LAMC1: variants seen among roughly 807,000 people sequenced by gnomAD.
The protein encoded by LAMC1 is laminin subunit gamma-1.
In LAMC1, 38 loss-of-function variants were observed where a neutral mutation model predicts 173.6. That is an observed-to-expected ratio of 0.22 (90% CI 0.17 to 0.29). LAMC1 has a LOEUF of 0.29. LAMC1 is among the 10% of genes least tolerant of loss of function. LAMC1 has a pLI of 1.00. For missense variants in LAMC1, 1,824 were observed against 2,051.8 expected (o/e 0.89, Z 2.14); for synonymous variants, 746 against 749.1 (o/e 1.00, Z 0.07).
Position 183,142,948 on chromosome 1 carries a change from A to G in LAMC1, c.*158A>G, listed in dbSNP as rs888838705. The G allele has an allele frequency of 1.4e-6, 1 of 710,850 alleles. No homozygotes were observed. Among genetic ancestry groups the G allele is most frequent in the African/African-American group, 1.8e-5 (1 of 55,734 alleles). The allele number at this position is 710,850 out of a possible 1,614,324, so 44.0% of individuals were successfully genotyped here. Reference sequence around the variant, plus strand: ...AGGAAAAGTCACAGAGTTTAAAGAGAAGCAAATTAAACATCCTGAATCGGG... The same window carrying G: ...AGGAAAAGTCACAGAGTTTAAAGAGGAGCAAATTAAACATCCTGAATCGGG... On this transcript the variant is annotated 3_prime_UTR_variant, in exon 28 of 28. Transcript: ENST00000258341.
chr1:183,114,010 A>G (rs897798573), intron 4 of LAMC1, among the ~76,000 whole-genome samples: 18 of 152,098 alleles, frequency 1.2e-4, no homozygotes, highest in African/African-American at 4.1e-4. Flanking sequence ...ACATTTCTTT[A>G]TCATCTGGCT....
chr1:183,078,455 G>A (rs1332472417), intron 1 of LAMC1, among the ~76,000 whole-genome samples: 1 of 151,912 alleles, frequency 6.6e-6, no homozygotes, highest in Non-Finnish European at 1.5e-5. Flanking sequence ...GGTGGTGGGC[G>A]CCTGTAGTCC....
At chr1:183,031,464 C>G (rs1653848421) in intron 1 of LAMC1, among the ~76,000 whole-genome samples, 1 of 152,052 alleles carries the variant, frequency 6.6e-6, no homozygotes, top group African/African-American at 2.4e-5. Context: ...GCCACCACAC[C>G]CAGCTAATTT....
At chr1:183,043,448 A>C (rs1295051777) in intron 1 of LAMC1, among the ~76,000 whole-genome samples, 1 of 152,218 alleles carries the variant, frequency 6.6e-6, no homozygotes, top group African/African-American at 2.4e-5. Flanking sequence ...TTTTACAGAT[A>C]GTGATAAAAC....
intron 2 of LAMC1, among the ~76,000 whole-genome samples, 171 bp from the exon 3 acceptor site, chr1:183,108,105 G>C (rs1383207456): frequency 1.3e-5 from 2 of 152,138 alleles, no homozygotes; most frequent in Non-Finnish European, 2.9e-5. Context: ...AGTCAAGAAG[G>C]AGAAAAATAT....
rs1232543884 is a variant in LAMC1, at chr1:183,065,297, A to T, written c.419-38031A>T. Among the ~76,000 whole-genome samples, 3 of 152,182 alleles carry T rather than the reference A, an allele frequency of 2.0e-5. 1 individual carries two copies. Among genetic ancestry groups the T allele is most frequent in the Admixed American group, 2.0e-4 (3 of 15,280 alleles). On this transcript the variant is annotated intron_variant, in intron 1 of 27. Transcript: ENST00000258341. The stretch of plus-strand genomic sequence containing the variant: ...AGCGAGGGAGACAGAGACTGTATAT[A>T]TATAGAAAGAGATTTAAGTAATTGA...
rs139065039 is a variant in LAMC1, at chr1:183,077,940, G to A, written c.419-25388G>A. ...TCTCATGTGTTTGGGGCAATAAGTT[G>A]TCTCTTAAATTTATTCAACCCTGAC... On this transcript the variant is annotated intron_variant, in intron 1 of 27. Transcript: ENST00000258341. Among the ~76,000 whole-genome samples, 688 of 151,728 alleles carry A rather than the reference G, an allele frequency of 4.5e-3. 5 individuals carry two copies. Among genetic ancestry groups the A allele is most frequent in the African/African-American group, 0.015 (635 of 41,464 alleles).
At chr1:183,085,374 G>GT (rs1351182111) in intron 1 of LAMC1, among the ~76,000 whole-genome samples, 1 of 151,826 alleles carries the variant, frequency 6.6e-6, no homozygotes, top group African/African-American at 2.4e-5. Context: ...TGTTTGTTTT[G>GT]TTTTTTGAGT....
At chr1:183,135,405 T>C (rs781122794) in intron 24 of LAMC1, among the ~76,000 whole-genome samples, 3 of 152,324 alleles carry the variant, frequency 2.0e-5, no homozygotes, top group African/African-American at 4.8e-5. Context: ...AGAGAACTTA[T>C]ATAGGTAAAT....
Position 183,122,514 on chromosome 1 carries a change from A to G in LAMC1, c.2401+263A>G, listed in dbSNP as rs112086076. Among the ~76,000 whole-genome samples the G allele has an allele frequency of 1.1e-4, 16 of 152,194 alleles. 1 individual carries two copies. Among genetic ancestry groups the G allele is most frequent in the African/African-American group, 3.9e-4 (16 of 41,514 alleles). ...CTTTAGGTGATCAAATCTCATCTTGAGGCTTCAAAAGCCTTTCTATATCTA... is the reference window on the plus strand; with the variant it reads ...CTTTAGGTGATCAAATCTCATCTTGGGGCTTCAAAAGCCTTTCTATATCTA... On this transcript the variant is annotated intron_variant, in intron 13 of 27. Transcript: ENST00000258341.
At chr1:183,028,053 C>T (rs1258326475) in intron 1 of LAMC1, among the ~76,000 whole-genome samples, 1 of 152,040 alleles carries the variant, frequency 6.6e-6, no homozygotes, top group African/African-American at 2.4e-5. Context: ...CTTTCCTGTT[C>T]TACAGTTCAC....
chr1:183,120,794 G>C (rs1656449993), intron 11 of LAMC1, among the ~76,000 whole-genome samples: 1 of 152,180 alleles, frequency 6.6e-6, no homozygotes, highest in Non-Finnish European at 1.5e-5. Context: ...AAGTAACCCT[G>C]AGTATTAGAA....
intron 1 of LAMC1, among the ~76,000 whole-genome samples, chr1:183,079,264 TTTTTTTTTG>T: frequency 1.1e-5 from 1 of 90,360 alleles, no homozygotes. Flanking sequence ...TTTTTTTTTT[TTTTTTTTTG>T]AGATGGAGTC....
rs36010062 is a variant in LAMC1, at chr1:183,136,576, T to C, written c.4305T>C (p.Ala1435=). 2.5e-6 allele frequency: 4 copies of C among 1,601,952 alleles called. No homozygotes were observed. The highest frequency in any genetic ancestry group is 2.7e-5 in the African/African-American group (2 of 74,810). The change falls in exon 25 of 28, where the codon GCT becomes GCC. Residue 1435 remains alanine (A), a synonymous_variant. Coordinates refer to ENST00000258341, the MANE Select transcript of LAMC1 (RefSeq NM_002293.4). ...KAHEAERIAS[A]VQKNATSTKA... Reference sequence around the variant, plus strand: ...ATGAGGCGGAGAGGATCGCGAGCGCTGTCCAAAAGGTGTGCGTTTCCTCTT... The same window carrying C: ...ATGAGGCGGAGAGGATCGCGAGCGCCGTCCAAAAGGTGTGCGTTTCCTCTT...
In LAMC1 at chr1:183,133,456, G is replaced by C. The variant is rs376683198; in HGVS notation, c.3755G>C (p.Arg1252Pro). 8 of 1,614,038 alleles carry C rather than the reference G, an allele frequency of 5.0e-6. No individual in the cohort carries two copies. Among genetic ancestry groups the C allele is most frequent in the Non-Finnish European group, 5.1e-6 (6 of 1,179,938 alleles). Residue 1252 changes from arginine to proline, a missense_variant, in exon 22 of 28, where the codon CGA (arginine) becomes CCA (proline). Arg to Pro is a moderately radical substitution (Grantham distance 103, BLOSUM62 -2). Transcript: ENST00000258341. ...CAGGATCTGGAAAAACAAGCTGCCC[G>C]AGTACATGAGGAGGCCAAAAGGGCC... is the stretch of plus-strand genomic sequence containing the variant. ...ISQDLEKQAA[R>P]VHEEAKRAGD...
At chr1:183,118,704 C>T (rs1656388581) in intron 11 of LAMC1, among the ~76,000 whole-genome samples, 1 of 149,300 alleles carries the variant, frequency 6.7e-6, no homozygotes, top group Admixed American at 6.7e-5. Flanking sequence ...GCCTGGGCGA[C>T]AGAATGAGAA....
intron 1 of LAMC1, among the ~76,000 whole-genome samples, chr1:183,093,565 T>C (rs1655618001): frequency 6.6e-6 from 1 of 152,192 alleles, no homozygotes; most frequent in Non-Finnish European, 1.5e-5. Flanking sequence ...TGTTTTCCTC[T>C]AATCCCATGG....
chr1:183,096,088 A>G (rs1253841227), intron 1 of LAMC1, among the ~76,000 whole-genome samples: 2 of 152,156 alleles, frequency 1.3e-5, no homozygotes, highest in East Asian at 1.9e-4. Context: ...GGGCATTGCA[A>G]TTAGGCAATG....
chr1:183,054,540 T>C (rs762151194), intron 1 of LAMC1, among the ~76,000 whole-genome samples: 3 of 152,204 alleles, frequency 2.0e-5, no homozygotes, highest in African/African-American at 2.4e-5. Context: ...GATACTGATA[T>C]TCTGTTATAT....
Sources: gnomAD v4.1 joint callset for allele counts (sites outside exome capture counted in the v4.1 genomes callset) on GRCh38, gnomAD v4.1.1 for gene constraint, MANE v1.5 for transcripts, NCBI Gene and HGNC (gene_info 2026-07-23, HGNC 2026-07-21) for gene names.